Variants in BNC2 observed in about 807,000 individuals in gnomAD.
BNC2 encodes the protein zinc finger protein basonuclin-2.
In BNC2, 20 loss-of-function variants were observed where a neutral mutation model predicts 76.3. That is an observed-to-expected ratio of 0.26 (90% confidence interval 0.18 to 0.38). BNC2 has a LOEUF of 0.38. Ranked by LOEUF, BNC2 falls within the 10% of genes least tolerant of loss-of-function variation. The pLI is 1.00. For missense variants in BNC2, 1,382 were observed against 1,399.8 expected (o/e 0.99, Z 0.20); for synonymous variants, 582 against 514.8 (o/e 1.13, Z -1.77).
chr9:16,634,668 A>G (rs1821267822), intron 3 of BNC2, among the ~76,000 whole-genome samples: 2 of 151,912 alleles, frequency 1.3e-5, no homozygotes, highest in Admixed American at 1.3e-4. Flanking sequence ...CACCTGGCTA[A>G]TTTTTTGTAT....
intron 5 of BNC2, among the ~76,000 whole-genome samples, chr9:16,531,768 C>T (rs1177201385): frequency 6.6e-6 from 1 of 152,012 alleles, no homozygotes; most frequent in African/African-American, 2.4e-5. Flanking sequence ...TTTTGTCAAC[C>T]CATCTAAATG....
chr9:16,628,786 A>C (rs550335177), intron 3 of BNC2, among the ~76,000 whole-genome samples: 3 of 152,244 alleles, frequency 2.0e-5, no homozygotes, highest in Admixed American at 6.5e-5. Flanking sequence ...TTTTACACAA[A>C]TGCACTTTTC....
At chr9:16,749,521 G>A (rs1170643533) in intron 1 of BNC2, among the ~76,000 whole-genome samples, 1 of 152,054 alleles carries the variant, frequency 6.6e-6, no homozygotes, top group Non-Finnish European at 1.5e-5. Context: ...GTAACAGAGT[G>A]AGATCCCATC....
chr9:16,422,694 T>G (rs1052085721), intron 6 of BNC2, among the ~76,000 whole-genome samples: 2 of 152,130 alleles, frequency 1.3e-5, no homozygotes, highest in African/African-American at 4.8e-5. Flanking sequence ...ACAGTATTCC[T>G]AAGGTGGAAG....
chr9:16,768,687 G>C (rs1825757620), intron 1 of BNC2, among the ~76,000 whole-genome samples: 1 of 152,178 alleles, frequency 6.6e-6, no homozygotes, highest in Non-Finnish European at 1.5e-5. Flanking sequence ...CAGAGAGACA[G>C]AGAAGTGGTC....
chr9:16,483,276 C>T (rs1293986792), intron 5 of BNC2, among the ~76,000 whole-genome samples: 2 of 152,242 alleles, frequency 1.3e-5, no homozygotes, highest in African/African-American at 2.4e-5. Context: ...TGTCCTGATA[C>T]AAGCAACTGA....
At chr9:16,588,102 T>G (rs577151681) in intron 3 of BNC2, among the ~76,000 whole-genome samples, 1 of 152,324 alleles carries the variant, frequency 6.6e-6, no homozygotes, top group East Asian at 1.9e-4. Flanking sequence ...CTGAGCCCGC[T>G]TCCTCATCTG....
At chr9:16,747,837 A>T (rs1401980566) in intron 1 of BNC2, among the ~76,000 whole-genome samples, 1 of 152,234 alleles carries the variant, frequency 6.6e-6, no homozygotes, top group Non-Finnish European at 1.5e-5. Context: ...CATGGGAAAG[A>T]GGAGCTCTGG....
chr9:16,697,336 C>T (rs189468507), intron 3 of BNC2, among the ~76,000 whole-genome samples: 70 of 152,058 alleles, frequency 4.6e-4, no homozygotes, highest in African/African-American at 1.6e-3. Flanking sequence ...CAGAGCGAGA[C>T]TCCACCTCAA....
chr9:16,697,823 G>A (rs1384297417), intron 3 of BNC2, among the ~76,000 whole-genome samples: 1 of 151,986 alleles, frequency 6.6e-6, no homozygotes, highest in African/African-American at 2.4e-5. Context: ...GGTATGAGAA[G>A]CTCCTTTAAT....
intron 5 of BNC2, among the ~76,000 whole-genome samples, chr9:16,481,103 C>G (rs1370297578): frequency 6.6e-6 from 1 of 152,112 alleles, no homozygotes; most frequent in Non-Finnish European, 1.5e-5. Context: ...AGGGTTTGGG[C>G]TCTGGTGGGG....
Position 16,565,275 on chromosome 9 carries a change from C to G in BNC2, c.434-12510G>C, listed in dbSNP as rs143903561. Among the ~76,000 whole-genome samples, 144 of 152,266 alleles carry G rather than the reference C, an allele frequency of 9.5e-4. 3 individuals carry two copies. The East Asian group carries it at 0.027, about 29-fold the overall frequency. Reference sequence around the variant, plus strand: ...TCTCACCCACACACAAAATCCTTAACCTGGGTCAGAAGACCTTGGACAGAT... The same window carrying G: ...TCTCACCCACACACAAAATCCTTAAGCTGGGTCAGAAGACCTTGGACAGAT... On this transcript the variant is annotated intron_variant, in intron 4 of 6. Transcript: ENST00000380672.
chr9:16,770,802 C>A (rs189377281), intron 1 of BNC2, among the ~76,000 whole-genome samples: 2 of 151,916 alleles, frequency 1.3e-5, no homozygotes, highest in Admixed American at 6.6e-5. Context: ...GAGGTGAAGG[C>A]TGCAGTGAGC....
At chr9:16,478,015 T>A (rs1424436547) in intron 5 of BNC2, among the ~76,000 whole-genome samples, 2 of 152,108 alleles carry the variant, frequency 1.3e-5, no homozygotes, top group African/African-American at 4.8e-5. Context: ...TGCAAACAGA[T>A]GACAGGAGTA....
chr9:16,739,332 T>A (rs1824774011), intron 1 of BNC2, among the ~76,000 whole-genome samples: 1 of 152,200 alleles, frequency 6.6e-6, no homozygotes, highest in South Asian at 2.1e-4. Context: ...GTATGACAGA[T>A]GGACTGAAGT....
chr9:16,711,841 G>A (rs1263290360), intron 3 of BNC2, among the ~76,000 whole-genome samples: 5 of 152,168 alleles, frequency 3.3e-5, no homozygotes, highest in African/African-American at 1.2e-4. Flanking sequence ...GCAAATTAAA[G>A]GTATTTCTCT....
At chr9:16,623,691 G>C (rs1030279610) in intron 3 of BNC2, among the ~76,000 whole-genome samples, 1 of 152,194 alleles carries the variant, frequency 6.6e-6, no homozygotes, top group African/African-American at 2.4e-5. Context: ...ACTGAAGTGA[G>C]GCTGGATTAA....
chr9:16,501,085 T>C (rs1269249446), intron 5 of BNC2, among the ~76,000 whole-genome samples: 1 of 151,006 alleles, frequency 6.6e-6, no homozygotes, highest in African/African-American at 2.5e-5. Flanking sequence ...TTAGTTTTCC[T>C]CTTTGTAAAA....
At chr9:16,584,377 A>C (rs573263771) in intron 3 of BNC2, among the ~76,000 whole-genome samples, 10 of 152,350 alleles carry the variant, frequency 6.6e-5, no homozygotes, top group African/African-American at 2.2e-4. Context: ...TTCACAGAGA[A>C]TAAGACTGAG....
Sources: allele counts gnomAD v4.1 joint callset (sites outside exome capture counted in the v4.1 genomes callset), GRCh38; gene constraint gnomAD v4.1.1; transcripts MANE v1.5; gene names NCBI Gene and HGNC (gene_info 2026-07-23, HGNC 2026-07-21).